Variants in RBM27 observed in about 807,000 individuals in gnomAD.
RBM27 encodes RNA binding motif protein 27.
In RBM27, 22 loss-of-function variants were observed where a neutral mutation model predicts 135.3. That is an observed-to-expected ratio of 0.16 (90% CI 0.12 to 0.23). The LOEUF (loss-of-function observed/expected upper bound fraction) is 0.23, where lower values mean the gene tolerates loss of function less well. Ranked by LOEUF, RBM27 falls within the 10% of genes least tolerant of loss-of-function variation. RBM27 has a pLI of 1.00. For missense variants in RBM27, 1,009 were observed against 1,281.0 expected, an observed-to-expected ratio of 0.79 and a Z score of 3.24; for synonymous variants, 481 against 442.4, an observed-to-expected ratio of 1.09 and a Z score of -1.10.
chr5:146,205,664 T>C (rs1052542322), intron 1 of RBM27, among the ~76,000 whole-genome samples: 3 of 152,036 alleles, frequency 2.0e-5, no homozygotes, highest in African/African-American at 7.2e-5. Flanking sequence ...ATAAGATGGA[T>C]GTAATGAAAT....
intron 4 of RBM27, among the ~76,000 whole-genome samples, chr5:146,229,463 G>C (rs1285005617): frequency 6.6e-6 from 1 of 151,290 alleles, no homozygotes; most frequent in African/African-American, 2.4e-5. Flanking sequence ...CAAATTTTCT[G>C]TTTTCCCCTG....
chr5:146,213,875 ATAACT>A (rs978266656), intron 1 of RBM27, among the ~76,000 whole-genome samples: 1 of 152,254 alleles, frequency 6.6e-6, no homozygotes, highest in Non-Finnish European at 1.5e-5. Flanking sequence ...TATTTTTTAA[ATAACT>A]TAAAACATAA....
chr5:146,212,254 C>T (rs560288005), intron 1 of RBM27, among the ~76,000 whole-genome samples: 2 of 152,288 alleles, frequency 1.3e-5, no homozygotes, highest in South Asian at 2.1e-4. Context: ...TGGGCTTTCA[C>T]CATGTTGGCC....
Position 146,219,053 on chromosome 5 carries a change from A to C in RBM27, c.128A>C (p.Lys43Thr), listed in dbSNP as rs1247574323. The C allele has an allele frequency of 6.2e-7, 1 of 1,613,748 alleles. No individual in the cohort carries two copies. Among genetic ancestry groups the C allele is most frequent in the South Asian group, 1.1e-5 (1 of 91,000 alleles). The change falls in exon 2 of 21, where the codon AAA becomes ACA. Residue 43 changes from lysine to threonine, a missense_variant. Lys to Thr is a moderately conservative substitution (Grantham distance 78). Coordinates refer to ENST00000265271, the MANE Select transcript of RBM27 (RefSeq NM_018989.2). Reference protein sequence around the residue: ...VALVKKDKPEKELKAFCADQL... With the variant: ...VALVKKDKPETELKAFCADQL... ...CTGGTCAAGAAGGACAAACCTGAGA[A>C]AGAATTAAAAGCCTTTTGTGCTGAT...
At chr5:146,223,869 C>G (rs891941861) in intron 3 of RBM27, among the ~76,000 whole-genome samples, 1 of 152,094 alleles carries the variant, frequency 6.6e-6, no homozygotes, top group African/African-American at 2.4e-5. Context: ...TTAGGTAACA[C>G]ATTTTCATGT....
chr5:146,220,486 AAAAAT>A (rs1561527816), intron 2 of RBM27, among the ~76,000 whole-genome samples: 1 of 141,478 alleles, frequency 7.1e-6, no homozygotes. Flanking sequence ...AAAAAAAAAA[AAAAAT>A]ATATATATAT....
At chr5:146,239,053 G>A (rs938977076) in intron 8 of RBM27, among the ~76,000 whole-genome samples, 2 of 152,052 alleles carry the variant, frequency 1.3e-5, no homozygotes, top group African/African-American at 4.8e-5. Context: ...CTCTGAAATT[G>A]AACCTATTAA....
chr5:146,259,037 A>C (rs2126843423), intron 11 of RBM27, among the ~76,000 whole-genome samples: 1 of 152,220 alleles, frequency 6.6e-6, no homozygotes, highest in South Asian at 2.1e-4. Flanking sequence ...CTGGGATTAC[A>C]GGTGTGAGCT....
chr5:146,242,883 C>G (rs940078195), intron 8 of RBM27, among the ~76,000 whole-genome samples: 1 of 152,040 alleles, frequency 6.6e-6, no homozygotes, highest in African/African-American at 2.4e-5. Flanking sequence ...CAGGTGTGAG[C>G]CACCACTCCT....
intron 19 of RBM27, among the ~76,000 whole-genome samples, chr5:146,280,509 A>G (rs1465532506): frequency 6.6e-6 from 1 of 152,224 alleles, no homozygotes; most frequent in East Asian, 1.9e-4. Context: ...AACATTTCCA[A>G]TACCCCAATC....
intron 2 of RBM27, among the ~76,000 whole-genome samples, chr5:146,220,983 C>T (rs1756438031): frequency 1.3e-5 from 2 of 151,670 alleles, no homozygotes; most frequent in African/African-American, 4.8e-5. Context: ...TTTGGGAGGC[C>T]GAGGCGGGTG....
At chr5:146,269,161 G>T (rs556959468) in intron 15 of RBM27, 46 bp from the exon 16 acceptor site, 35 of 1,417,766 alleles carry the variant, frequency 2.5e-5, no homozygotes, top group Non-Finnish European at 3.4e-5. Context: ...GTTGAGAATG[G>T]TGGCAAATTA....
chr5:146,231,744 A>C (rs1003167163), intron 6 of RBM27, among the ~76,000 whole-genome samples: 2 of 151,944 alleles, frequency 1.3e-5, no homozygotes, highest in East Asian at 3.9e-4. Context: ...CAGCCTCCCA[A>C]GTAGCTGGGA....
chr5:146,227,614 G>A (rs949715094), intron 3 of RBM27, among the ~76,000 whole-genome samples: 1 of 151,904 alleles, frequency 6.6e-6, no homozygotes, highest in South Asian at 2.1e-4. Flanking sequence ...CTATATATTC[G>A]GTTTGAGATA....
rs1278086734 is a variant in RBM27, at chr5:146,230,861, C to T, written c.794C>T (p.Ser265Phe). ...TCTAATTACTATAACAATCATAGCT[C>T]TTCCAATTCTTTTGGTCGAAACCTA... ...SWSNYYNNHS[S>F]SNSFGRNLPP... The change falls in exon 6 of 21, where the codon TCT becomes TTT. Residue 265 changes from serine to phenylalanine, a missense_variant. Physicochemically the swap from Ser to Phe is radical, Grantham distance 155. Coordinates refer to ENST00000265271, the MANE Select transcript of RBM27 (RefSeq NM_018989.2). The T allele has an allele frequency of 6.2e-7, 1 of 1,614,152 alleles. No homozygotes were observed. The highest frequency in any genetic ancestry group is 1.1e-5 in the South Asian group (1 of 91,078).
chr5:146,241,525 A>G (rs986958069), intron 8 of RBM27, among the ~76,000 whole-genome samples: 14 of 152,246 alleles, frequency 9.2e-5, no homozygotes, highest in Admixed American at 7.9e-4. Flanking sequence ...TCTGTTGCCC[A>G]GGCTAGAGTG....
chr5:146,231,792 A>T (rs1040763886), intron 6 of RBM27, among the ~76,000 whole-genome samples: 1 of 150,728 alleles, frequency 6.6e-6, no homozygotes, highest in African/African-American at 2.4e-5. Context: ...TAATTTTTGT[A>T]TTAGTAGAGA....
In RBM27 at chr5:146,259,500, G is replaced by T. The variant is rs868151004; in HGVS notation, c.1739+907G>T. On this transcript the variant is annotated intron_variant, in intron 11 of 20. Coordinates refer to ENST00000265271, the MANE Select transcript of RBM27 (RefSeq NM_018989.2). ...GTCTGGGCAAAAAGAACAAAACTCT[G>T]TCTCAAAAAAAAAAAAAAAAAAAAA... Among the ~76,000 whole-genome samples the T allele has an allele frequency of 4.3e-4, 32 of 73,672 alleles. No individual in the cohort carries two copies. In the South Asian group the frequency reaches 9.8e-3, roughly 23 times the overall value. The allele number at this position is 73,672 out of a possible 152,430, so 48.3% of individuals were successfully genotyped here.
At chr5:146,228,692 C>T (rs942768481) in intron 3 of RBM27, among the ~76,000 whole-genome samples, 1 of 152,092 alleles carries the variant, frequency 6.6e-6, no homozygotes, top group Non-Finnish European at 1.5e-5. Flanking sequence ...CCTCAAACTT[C>T]TGGGTTCAAG....
Sources: allele counts gnomAD v4.1 joint callset (sites outside exome capture counted in the v4.1 genomes callset), GRCh38; gene constraint gnomAD v4.1.1; transcripts MANE v1.5; gene names NCBI Gene and HGNC (gene_info 2026-07-23, HGNC 2026-07-21).